The following SH2B3 variants were observed in gnomAD, a reference collection of about 807,000 sequenced individuals.
SH2B3 encodes the protein SH2B adaptor protein 3, also known as SH2B adapter protein 3.
SH2B3 carries 43 observed loss-of-function variants against 51.9 expected under a neutral mutation model. The observed-to-expected ratio is 0.83, with a 90% CI of 0.65 to 1.07. The LOEUF is 1.07. SH2B3 is among the 50% of genes least tolerant of loss of function. The pLI, the probability that SH2B3 is intolerant of heterozygous loss-of-function variation, is 0.00. For missense variants in SH2B3, 952 were observed against 834.3 expected, an observed-to-expected ratio of 1.14 and a Z score of -1.74; for synonymous variants, 396 against 376.0, an observed-to-expected ratio of 1.05 and a Z score of -0.62.
At chr12:111,423,153 G>A (rs531694322) in intron 2 of SH2B3, among the ~76,000 whole-genome samples, 1 of 152,304 alleles carries the variant, frequency 6.6e-6, no homozygotes, top group South Asian at 2.1e-4. Context: ...GAGGGAGATG[G>A]GGAGCGGGGA....
rs931311749 is a variant in SH2B3, at chr12:111,434,791, G to C, written c.733-11962G>C. 7.4e-6 allele frequency: 11 copies of C among 1,482,334 alleles called. 1 individual carries two copies. The African/African-American group carries it at 1.5e-4, about 21-fold the overall frequency. The allele number at this position is 1,482,334 out of a possible 1,614,324, so 91.8% of individuals were successfully genotyped here. The stretch of plus-strand genomic sequence containing the variant: ...GGCTGGTGTGATTTCCTGTTGTTTT[G>C]TGATGTCAGTGAGAGGCTGTGTGTC... On this transcript the variant is annotated intron_variant, in intron 2 of 7. Transcript: ENST00000341259.
intron 2 of SH2B3, among the ~76,000 whole-genome samples, chr12:111,431,872 C>A (rs1489008215): frequency 3.3e-5 from 5 of 152,120 alleles, no homozygotes; most frequent in Non-Finnish European, 7.3e-5. Context: ...TCCCAAAGTT[C>A]TGGGATTTAC....
rs1414124651 is a variant in SH2B3, at chr12:111,407,091, C to T, written c.-28+814C>T. Among the ~76,000 whole-genome samples the T allele has an allele frequency of 2.0e-5, 3 of 152,148 alleles. No individual in the cohort carries two copies. Among genetic ancestry groups the T allele is most frequent in the Non-Finnish European group, 4.4e-5 (3 of 68,016 alleles). ...GCTTTGTTTTGAGGGAGGGGGACTG[C>T]ATTTGAGGAACTGGAGAGGAGGGTC... On this transcript the variant is annotated intron_variant, in intron 1 of 7. Coordinates refer to ENST00000341259, the MANE Select transcript of SH2B3 (RefSeq NM_005475.3). The surrounding 1 kb of genome is among the most constrained non-coding windows in gnomAD (Gnocchi z 4.3).
chr12:111,440,018 G>T (rs968356407), intron 2 of SH2B3, among the ~76,000 whole-genome samples: 1 of 152,174 alleles, frequency 6.6e-6, no homozygotes, highest in Non-Finnish European at 1.5e-5. Context: ...CTGGCATCTG[G>T]GGGGAAGATG....
intron 2 of SH2B3, among the ~76,000 whole-genome samples, chr12:111,430,443 C>T (rs2085897747): frequency 6.6e-6 from 1 of 152,170 alleles, no homozygotes; most frequent in Non-Finnish European, 1.5e-5. Flanking sequence ...TATTATGGTC[C>T]ATCCCCACCC....
At chr12:111,422,025 C>T (rs566901225) in intron 2 of SH2B3, among the ~76,000 whole-genome samples, 2 of 152,320 alleles carry the variant, frequency 1.3e-5, no homozygotes, top group South Asian at 2.1e-4. Context: ...GCGAGAGTTC[C>T]GGGTGGTTCC....
intron 2 of SH2B3, among the ~76,000 whole-genome samples, chr12:111,445,648 C>T (rs891589087): frequency 2.6e-5 from 4 of 152,242 alleles, no homozygotes; most frequent in East Asian, 3.8e-4. Context: ...AGAGCAGGCC[C>T]GGGAGCTCCC....
At chr12:111,439,179 C>G (rs565530387) in intron 2 of SH2B3, among the ~76,000 whole-genome samples, 32 of 152,032 alleles carry the variant, frequency 2.1e-4, no homozygotes, top group African/African-American at 7.7e-4. Context: ...GATGGAGTTT[C>G]GCTTTTGTTG....
intron 2 of SH2B3, among the ~76,000 whole-genome samples, chr12:111,446,404 G>T (rs372024644): frequency 8.5e-5 from 13 of 152,236 alleles, no homozygotes; most frequent in Admixed American, 7.9e-4. Flanking sequence ...TGATGAGACC[G>T]TCAGCAGCTG....
rs1874456549 is a variant in SH2B3, at chr12:111,450,274, A to G, written c.*1972A>G. The G allele has an allele frequency of 6.6e-6, 1 of 152,276 alleles. No individual in the cohort carries two copies. The highest frequency in any genetic ancestry group is 2.4e-5 in the African/African-American group (1 of 41,472). 9.4% of individuals were successfully genotyped at this position (152,276 alleles called of 1,614,324 possible). On this transcript the variant is annotated 3_prime_UTR_variant, in exon 8 of 8. Coordinates refer to ENST00000341259, the MANE Select transcript of SH2B3 (RefSeq NM_005475.3). ...TGGGTGATTTCATGGACCCTAAAGCAGACCTGACACTGATCCAGATTTGCA... is the reference window on the plus strand; with the variant it reads ...TGGGTGATTTCATGGACCCTAAAGCGGACCTGACACTGATCCAGATTTGCA...
At chr12:111,434,899 G>C (rs1448151700) in intron 2 of SH2B3, 11 of 1,535,584 alleles carry the variant, frequency 7.2e-6, no homozygotes, top group Non-Finnish European at 9.6e-6. Context: ...AGCTCAGAAG[G>C]ACATGGGATT....
At position 111,448,928 on chromosome 12, in the gene SH2B3, A is replaced by ATTTCAGTGCACTGT. The variant is rs1359664053; in HGVS notation, c.*629_*642dup. 6.5e-6 allele frequency: 1 copy of ATTTCAGTGCACTGT among 153,328 alleles called. No homozygotes were observed. Among genetic ancestry groups the ATTTCAGTGCACTGT allele is most frequent in the African/African-American group, 2.4e-5 (1 of 41,468 alleles). The allele number at this position is 153,328 out of a possible 1,614,324, so 9.5% of individuals were successfully genotyped here. On this transcript the variant is annotated 3_prime_UTR_variant, in exon 8 of 8. Transcript: ENST00000341259. ...CAGGTTCAAAACTTAACCACTGCTT[A>ATTTCAGTGCACTGT]TTTCAGTGCACTGTTTCAACTAACA...
At chr12:111,441,892 G>T (rs750366280) in intron 2 of SH2B3, among the ~76,000 whole-genome samples, 8 of 152,076 alleles carry the variant, frequency 5.3e-5, no homozygotes, top group Non-Finnish European at 1.2e-4. Flanking sequence ...CTCTTTCTGG[G>T]TGTCTCTAAC....
intron 6 of SH2B3, 41 bp from the exon 7 acceptor site, chr12:111,447,615 C>T (rs763007376): frequency 4.5e-5 from 72 of 1,610,174 alleles, no homozygotes; most frequent in Non-Finnish European, 6.0e-5. Context: ...GTTCAGGGTC[C>T]TAGAGGGACA....
At chr12:111,419,867 C>T (rs1216776824) in intron 2 of SH2B3, among the ~76,000 whole-genome samples, 1 of 152,182 alleles carries the variant, frequency 6.6e-6, no homozygotes, top group Non-Finnish European at 1.5e-5. Flanking sequence ...CCCAGGATAC[C>T]ACATGAGGTT....
chr12:111,423,495 G>A (rs967972194), intron 2 of SH2B3, among the ~76,000 whole-genome samples: 2 of 151,706 alleles, frequency 1.3e-5, no homozygotes, highest in African/African-American at 2.4e-5. Context: ...TCAGCCTCCC[G>A]GGTAGCTGGG....
intron 2 of SH2B3, among the ~76,000 whole-genome samples, chr12:111,422,313 C>T (rs1871622040): frequency 6.6e-6 from 1 of 151,942 alleles, no homozygotes; most frequent in Non-Finnish European, 1.5e-5. Context: ...TAAGAGTCAC[C>T]GGTGGCTGCG....
chr12:111,447,641 C>T lies in SH2B3; in HGVS notation c.1237-15C>T. On this transcript the variant is annotated splice_polypyrimidine_tract_variant and intron_variant, in intron 6 of 7. Coordinates refer to ENST00000341259, the MANE Select transcript of SH2B3 (RefSeq NM_005475.3). ...TAGAGGGACAGCCCGAGCCCACCAT[C>T]CTCTCCTCCCACAGCACCTGCGCCT... The T allele has an allele frequency of 1.2e-6, 2 of 1,608,972 alleles. No homozygotes were observed.
Position 111,421,417 on chromosome 12 carries a change from T to G in SH2B3, c.732+2540T>G, listed in dbSNP as rs573952863. On this transcript the variant is annotated intron_variant, in intron 2 of 7. Transcript: ENST00000341259. Reference sequence around the variant, plus strand: ...AGTGTCTTCCTTTTTTTTTTTTTTTTTTTTTTTTTTGAGACAAGGTCTCGC... The same window carrying G: ...AGTGTCTTCCTTTTTTTTTTTTTTTGTTTTTTTTTTGAGACAAGGTCTCGC... Among the ~76,000 whole-genome samples, 5 of 144,612 alleles carry G rather than the reference T, an allele frequency of 3.5e-5. 1 individual carries two copies. In the South Asian group the frequency reaches 1.1e-3, roughly 33 times the overall value. The allele number at this position is 144,612 out of a possible 152,430, so 94.9% of individuals were successfully genotyped here. A position where few individuals can be genotyped will look rare whatever the true frequency, so the allele number is the denominator to read the frequency against.
Sources: gnomAD v4.1 joint callset for allele counts (sites outside exome capture counted in the v4.1 genomes callset) on GRCh38, gnomAD v4.1.1 for gene constraint, Gnocchi (gnomAD v3.1) non-coding constraint, MANE v1.5 for transcripts, NCBI Gene and HGNC (gene_info 2026-07-23, HGNC 2026-07-21) for gene names.